The following ZNF148 variants were observed in gnomAD, a reference collection of about 807,000 sequenced individuals.
The protein encoded by ZNF148 is Beta-Enolase Repressor Factor-1.
Under a neutral mutation model 67.7 loss-of-function variants are expected in ZNF148, and 7 were observed. The ratio of observed to expected loss-of-function variants is 0.10; its 90% CI spans 0.06 to 0.19. The LOEUF (loss-of-function observed/expected upper bound fraction) is 0.19, where lower values mean the gene tolerates loss of function less well. Ranked by LOEUF, ZNF148 falls within the 10% of genes least tolerant of loss-of-function variation. The probability of loss-of-function intolerance (pLI) is 1.00; values close to 1 mark genes in which losing one functional copy is unlikely to be tolerated. For synonymous variants in ZNF148, 333 were observed against 330.7 expected (o/e 1.01, Z -0.08); for missense variants, 583 against 947.1 (o/e 0.62, Z 5.05).
chr3:125,263,813 G>A (rs969608491), intron 7 of ZNF148, among the ~76,000 whole-genome samples: 5 of 53,616 alleles, frequency 9.3e-5, no homozygotes, highest in African/African-American at 6.1e-4. Flanking sequence ...CTAATGAGGC[G>A]ATCTTTCTGG....
At chr3:125,266,219 T>A (rs979087640) in intron 7 of ZNF148, among the ~76,000 whole-genome samples, 1 of 152,126 alleles carries the variant, frequency 6.6e-6, no homozygotes, top group African/African-American at 2.4e-5. Context: ...CTCGACCAAC[T>A]GGACCTAATA....
intron 7 of ZNF148, among the ~76,000 whole-genome samples, chr3:125,244,232 C>T (rs1936494662): frequency 6.6e-6 from 1 of 152,116 alleles, no homozygotes. Flanking sequence ...TGCACACAAT[C>T]AGCTGTTTAT....
chr3:125,373,355 T>C (rs1942952478), intron 1 of ZNF148, among the ~76,000 whole-genome samples: 1 of 151,188 alleles, frequency 6.6e-6, no homozygotes, highest in African/African-American at 2.4e-5. Flanking sequence ...CCTCCCAAAG[T>C]GCTGGGATTA....
chr3:125,362,851 G>T (rs572183832), intron 1 of ZNF148, among the ~76,000 whole-genome samples: 38 of 152,166 alleles, frequency 2.5e-4, no homozygotes, highest in Non-Finnish European at 4.3e-4. Context: ...TACCATGCTT[G>T]GCCAGTCCTT....
intron 1 of ZNF148, among the ~76,000 whole-genome samples, chr3:125,358,855 G>A (rs1357090836): frequency 6.6e-6 from 1 of 152,044 alleles, no homozygotes; most frequent in Admixed American, 6.5e-5. Context: ...CAATTTTACA[G>A]GGAAAACTTC....
In ZNF148 at chr3:125,302,435, T is replaced by C. The variant is rs371532126; in HGVS notation, c.333+10873A>G. Reference sequence around the variant, plus strand: ...AAAGTACATTAATGAAACCCAGACCTGCCCTTTACCTCCCTGCCTTATCAA... The same window carrying C: ...AAAGTACATTAATGAAACCCAGACCCGCCCTTTACCTCCCTGCCTTATCAA... On this transcript the variant is annotated intron_variant, in intron 4 of 8. Coordinates refer to ENST00000360647, the MANE Select transcript of ZNF148 (RefSeq NM_021964.3). Among the ~76,000 whole-genome samples, 20 of 151,794 alleles carry C rather than the reference T, an allele frequency of 1.3e-4. No individual in the cohort carries two copies. The South Asian group carries it at 3.5e-3, about 27-fold the overall frequency.
chr3:125,279,299 A>G (rs1330068646), intron 5 of ZNF148, 52 bp from the exon 6 acceptor site: 1 of 1,380,840 alleles, frequency 7.2e-7, no homozygotes, highest in African/African-American at 1.5e-5. Context: ...TTTAAAATGT[A>G]ATTAAATAGT....
intron 4 of ZNF148, among the ~76,000 whole-genome samples, chr3:125,288,441 A>G (rs1250736020): frequency 6.6e-6 from 1 of 151,894 alleles, no homozygotes; most frequent in African/African-American, 2.4e-5. Context: ...AGGGATAAAC[A>G]GATTTTTTTT....
At chr3:125,300,023 G>A (rs1384306173) in intron 4 of ZNF148, among the ~76,000 whole-genome samples, 1 of 152,158 alleles carries the variant, frequency 6.6e-6, no homozygotes, top group Non-Finnish European at 1.5e-5. Context: ...CCAAGCTGGA[G>A]GGCAGTGGTG....
intron 7 of ZNF148, among the ~76,000 whole-genome samples, chr3:125,246,708 C>T (rs1221527625): frequency 6.6e-6 from 1 of 152,082 alleles, no homozygotes; most frequent in African/African-American, 2.4e-5. Context: ...ATAATTATAA[C>T]CATACTTACA....
At position 125,228,472 on chromosome 3, in the gene ZNF148, ACT is replaced by A. The variant is rs1332439876; in HGVS notation, c.*3867_*3868del. 1.3e-5 allele frequency: 2 copies of A among 152,600 alleles called. No homozygotes were observed. The allele number at this position is 152,600 out of a possible 1,614,324, so 9.5% of individuals were successfully genotyped here. A position where few individuals can be genotyped will look rare whatever the true frequency, so the allele number is the denominator to read the frequency against. ...TTAAATGAAATAAGGATAATTAATA[ACT>A]CTGAAATGTTTTTAGAACTTTCCTG... On this transcript the variant is annotated 3_prime_UTR_variant, in exon 9 of 9. Coordinates refer to ENST00000360647, the MANE Select transcript of ZNF148 (RefSeq NM_021964.3).
At chr3:125,312,074 C>T (rs1202572359) in intron 4 of ZNF148, among the ~76,000 whole-genome samples, 1 of 152,184 alleles carries the variant, frequency 6.6e-6, no homozygotes, top group East Asian at 1.9e-4. Context: ...AGAGGGAATA[C>T]TTGCTAATTT....
At chr3:125,294,214 GA>G (rs771139322) in intron 4 of ZNF148, among the ~76,000 whole-genome samples, 2 of 152,102 alleles carry the variant, frequency 1.3e-5, no homozygotes, top group Non-Finnish European at 2.9e-5. Flanking sequence ...AAAAGATGAG[GA>G]AAAGTCTGCA....
intron 1 of ZNF148, among the ~76,000 whole-genome samples, chr3:125,358,183 G>T (rs1942425880): frequency 6.6e-6 from 1 of 151,940 alleles, no homozygotes; most frequent in South Asian, 2.1e-4. Flanking sequence ...TGTGGTGGCG[G>T]GCACCTGTAA....
At chr3:125,369,989 A>C (rs1444119650) in intron 1 of ZNF148, among the ~76,000 whole-genome samples, 1 of 152,118 alleles carries the variant, frequency 6.6e-6, no homozygotes, top group Non-Finnish European at 1.5e-5. Context: ...TCTCAAAAAA[A>C]AAAAAATTGT....
chr3:125,360,053 A>G (rs544486796), intron 1 of ZNF148, among the ~76,000 whole-genome samples: 13 of 152,178 alleles, frequency 8.5e-5, no homozygotes, highest in Non-Finnish European at 1.5e-4. Flanking sequence ...ATGCTTGTCA[A>G]TATCCTCGCC....
At chr3:125,322,250 T>C (rs1940814456) in intron 3 of ZNF148, among the ~76,000 whole-genome samples, 1 of 151,968 alleles carries the variant, frequency 6.6e-6, no homozygotes, top group Non-Finnish European at 1.5e-5. Context: ...ATGGTCTCGA[T>C]GTCCTGACTT....
chr3:125,283,379 G>A (rs1938492559), intron 5 of ZNF148, among the ~76,000 whole-genome samples: 1 of 151,982 alleles, frequency 6.6e-6, no homozygotes, highest in Non-Finnish European at 1.5e-5. Context: ...TCATAAGCAT[G>A]GCACAACAAC....
chr3:125,364,744 G>A (rs768751874), intron 1 of ZNF148, among the ~76,000 whole-genome samples: 1 of 152,144 alleles, frequency 6.6e-6, no homozygotes, highest in Non-Finnish European at 1.5e-5. Flanking sequence ...ACTGGGTGGT[G>A]GCTACATAAA....
Sources: allele counts gnomAD v4.1 joint callset (sites outside exome capture counted in the v4.1 genomes callset), GRCh38; gene constraint gnomAD v4.1.1; transcripts MANE v1.5; gene names NCBI Gene and HGNC (gene_info 2026-07-23, HGNC 2026-07-21).